Variants in SOX6 observed in about 807,000 individuals in gnomAD.
SOX6 encodes the protein SRY-box transcription factor 6.
In SOX6, 11 loss-of-function variants were observed where a neutral mutation model predicts 97.8. That is an observed-to-expected ratio of 0.11 (90% confidence interval 0.07 to 0.19). The LOEUF is 0.19. Ranked by LOEUF, SOX6 falls within the 10% of genes least tolerant of loss-of-function variation. The pLI is 1.00. For synonymous variants in SOX6, 360 were observed against 371.4 expected (o/e 0.97, Z 0.35); for missense variants, 810 against 1,039.5 (o/e 0.78, Z 3.04).
chr11:16,202,029 G>T (rs1486528764), intron 4 of SOX6, among the ~76,000 whole-genome samples: 1 of 151,812 alleles, frequency 6.6e-6, no homozygotes, highest in Non-Finnish European at 1.5e-5. Context: ...GATATATGAA[G>T]ATCATTCCGA....
At chr11:16,312,159 A>T (rs1855622415) in intron 3 of SOX6, 1 of 152,208 alleles carries the variant, frequency 6.6e-6, no homozygotes, top group Non-Finnish European at 1.5e-5. Flanking sequence ...GTCCTATGGA[A>T]TTGTATCAAA....
chr11:16,281,254 C>T (rs1425775964), intron 3 of SOX6, among the ~76,000 whole-genome samples: 2 of 152,072 alleles, frequency 1.3e-5, no homozygotes, highest in African/African-American at 2.4e-5. Flanking sequence ...TGCTTTTGGT[C>T]GTGTATGTGT....
Position 16,382,801 on chromosome 11 carries a change from A to C in SOX6, c.-4-41549T>G, listed in dbSNP as rs373403117. 2.6e-5 allele frequency among the ~76,000 whole-genome samples: 4 copies of C among 152,060 alleles called. No homozygotes were observed. In the East Asian group the frequency reaches 5.8e-4, roughly 22 times the overall value. ...GAGAGTTCAATGTGGAATCATTGTCAACTCCAGGGTAGTTGTACTAGTTGT... is the reference window on the plus strand; with the variant it reads ...GAGAGTTCAATGTGGAATCATTGTCCACTCCAGGGTAGTTGTACTAGTTGT... On this transcript the variant is annotated intron_variant, in intron 1 of 15. Coordinates refer to the SOX6 transcript ENST00000396356.
chr11:16,283,882 A>T (rs898690430), intron 3 of SOX6: 8 of 424,608 alleles, frequency 1.9e-5, no homozygotes, highest in African/African-American at 1.7e-4. Flanking sequence ...GGTTTAAAAT[A>T]ACTAAGGTAC....
intron 1 of SOX6, among the ~76,000 whole-genome samples, chr11:16,408,472 G>C (rs1490347757): frequency 6.6e-6 from 1 of 151,974 alleles, no homozygotes; most frequent in Non-Finnish European, 1.5e-5. Context: ...TATCTCATCT[G>C]GTACATAGTA....
At chr11:16,545,146 A>G (rs1847603182) in intron 4 of SOX6, among the ~76,000 whole-genome samples, 1 of 152,150 alleles carries the variant, frequency 6.6e-6, no homozygotes, top group Admixed American at 6.6e-5. Context: ...GCAATGACAT[A>G]GCAATAGAAA....
At chr11:16,378,056 A>T (rs1045728740) in intron 1 of SOX6, among the ~76,000 whole-genome samples, 1 of 152,202 alleles carries the variant, frequency 6.6e-6, no homozygotes, top group Non-Finnish European at 1.5e-5. Flanking sequence ...ATGTTCAAAA[A>T]TTTATATGTT....
intron 1 of SOX6, among the ~76,000 whole-genome samples, chr11:16,392,236 C>G (rs1858207829): frequency 6.6e-6 from 1 of 152,086 alleles, no homozygotes; most frequent in Non-Finnish European, 1.5e-5. Context: ...AGTAGTTACA[C>G]TTGGGAAAAG....
chr11:16,574,503 A>G (rs148020505), intron 4 of SOX6, among the ~76,000 whole-genome samples: 15 of 152,282 alleles, frequency 9.9e-5, no homozygotes, highest in Non-Finnish European at 1.5e-4. Context: ...TTCAAGGTCA[A>G]TTGAAAGTCA....
chr11:16,361,669 C>G (rs1394866030), intron 1 of SOX6, among the ~76,000 whole-genome samples: 1 of 152,134 alleles, frequency 6.6e-6, no homozygotes. Flanking sequence ...AATCCTGAAC[C>G]AGTGAAATAC....
intron 1 of SOX6, among the ~76,000 whole-genome samples, chr11:16,344,312 T>C (rs1270794233): frequency 6.6e-6 from 1 of 151,962 alleles, no homozygotes; most frequent in African/African-American, 2.4e-5. Flanking sequence ...AAATTGTTTT[T>C]AATGCAGTTT....
intron 9 of SOX6, among the ~76,000 whole-genome samples, chr11:16,087,185 GT>G (rs1848596525): frequency 6.6e-6 from 1 of 151,988 alleles, no homozygotes; most frequent in South Asian, 2.1e-4. Flanking sequence ...AATATAAATT[GT>G]TTTTTAACTG....
chr11:16,223,560 A>G (rs566374811), intron 4 of SOX6, among the ~76,000 whole-genome samples: 1 of 152,274 alleles, frequency 6.6e-6, no homozygotes, highest in South Asian at 2.1e-4. Context: ...TATAGATGTT[A>G]ATGGCTGTCT....
intron 4 of SOX6, among the ~76,000 whole-genome samples, chr11:16,569,934 T>A (rs537744133): frequency 1.3e-5 from 2 of 149,572 alleles, no homozygotes; most frequent in Admixed American, 6.7e-5. Flanking sequence ...TGGGGAAAAA[T>A]TCTAAATGCC....
At chr11:16,383,473 C>G (rs1468857697) in intron 1 of SOX6, among the ~76,000 whole-genome samples, 1 of 151,780 alleles carries the variant, frequency 6.6e-6, no homozygotes. Flanking sequence ...CACCACTTAC[C>G]AATAATATAA....
chr11:16,059,656 A>G (rs957448199), intron 9 of SOX6, among the ~76,000 whole-genome samples: 1 of 151,964 alleles, frequency 6.6e-6, no homozygotes, highest in Non-Finnish European at 1.5e-5. Flanking sequence ...GCCTCTAAAG[A>G]AATTAAAGTT....
chr11:16,565,969 G>A (rs961836245), intron 4 of SOX6, among the ~76,000 whole-genome samples: 4 of 151,848 alleles, frequency 2.6e-5, no homozygotes, highest in Admixed American at 6.6e-5. Context: ...GGTGACGGGC[G>A]CCTGTAGTCC....
chr11:16,191,331 C>T (rs1851625141), intron 4 of SOX6, among the ~76,000 whole-genome samples: 1 of 152,046 alleles, frequency 6.6e-6, no homozygotes, highest in African/African-American at 2.4e-5. Flanking sequence ...CATAGTAGCA[C>T]ACACCTGTAG....
At chr11:16,111,958 G>T (rs1374347761) in intron 6 of SOX6, 35 bp from the exon 7 acceptor site, 2 of 1,611,192 alleles carry the variant, frequency 1.2e-6, no homozygotes, top group South Asian at 2.2e-5. Context: ...ATCAGACAGG[G>T]AGCAAATGTA....
Sources: gnomAD v4.1 joint callset for allele counts (sites outside exome capture counted in the v4.1 genomes callset) on GRCh38, gnomAD v4.1.1 for gene constraint, MANE v1.5 for transcripts, NCBI Gene and HGNC (gene_info 2026-07-23, HGNC 2026-07-21) for gene names.